Variants in DPYD observed in about 807,000 individuals in gnomAD.
DPYD encodes dihydropyrimidine dehydrogenase [NADP(+)].
A neutral mutation model predicts 116.2 loss-of-function variants in DPYD; 109 were observed. The ratio of observed to expected loss-of-function variants is 0.94; its 90% CI spans 0.80 to 1.10. The LOEUF (loss-of-function observed/expected upper bound fraction) is 1.10. DPYD is among the 50% of genes least tolerant of loss of function. DPYD has a pLI of 0.00. For missense variants in DPYD, 1,302 were observed against 1,254.5 expected (o/e 1.04, Z -0.57); for synonymous variants, 440 against 432.0 (o/e 1.02, Z -0.23).
At chr1:97,618,696 T>C (rs1029229520) in intron 8 of DPYD, among the ~76,000 whole-genome samples, 1 of 152,160 alleles carries the variant, frequency 6.6e-6, no homozygotes. Context: ...AGAATTTGAA[T>C]TTAGGTAGAT....
At chr1:97,461,983 T>C (rs1051272640) in intron 13 of DPYD, among the ~76,000 whole-genome samples, 1 of 152,244 alleles carries the variant, frequency 6.6e-6, no homozygotes, top group African/African-American at 2.4e-5. Flanking sequence ...AAAAACTTCC[T>C]GTCTGTGTCC....
chr1:97,601,861 A>G (rs1655270407), intron 8 of DPYD, among the ~76,000 whole-genome samples: 1 of 152,072 alleles, frequency 6.6e-6, no homozygotes, highest in Admixed American at 6.5e-5. Context: ...TATAACACAT[A>G]TGAAATTAGA....
intron 13 of DPYD, among the ~76,000 whole-genome samples, chr1:97,477,382 C>T (rs1678026029): frequency 6.6e-6 from 1 of 152,300 alleles, no homozygotes; most frequent in East Asian, 1.9e-4. Context: ...TTCTAGTTAT[C>T]TTGCTATTTC....
intron 3 of DPYD, among the ~76,000 whole-genome samples, chr1:97,765,603 T>A (rs575527448): frequency 3.3e-5 from 5 of 152,286 alleles, no homozygotes; most frequent in African/African-American, 1.2e-4. Flanking sequence ...TGGCAAGTCA[T>A]CAGAAAATTG....
At chr1:97,264,530 A>G (rs1041233109) in intron 18 of DPYD, among the ~76,000 whole-genome samples, 53 of 151,964 alleles carry the variant, frequency 3.5e-4, no homozygotes, top group African/African-American at 1.2e-3. Flanking sequence ...GATTTGTCGA[A>G]ACAATACCGT....
chr1:97,854,107 T>C (rs998638135), intron 2 of DPYD, among the ~76,000 whole-genome samples: 9 of 152,180 alleles, frequency 5.9e-5, no homozygotes, highest in East Asian at 1.9e-4. Context: ...AATATATACA[T>C]AAAAAGAAAA....
intron 20 of DPYD, among the ~76,000 whole-genome samples, chr1:97,182,336 C>T (rs1296773178): frequency 3.9e-5 from 6 of 152,256 alleles, no homozygotes; most frequent in African/African-American, 1.4e-4. Context: ...ATTAAGTCTT[C>T]ATAACATTTA....
intron 14 of DPYD, among the ~76,000 whole-genome samples, chr1:97,384,126 A>G (rs998039748): frequency 2.0e-5 from 3 of 152,104 alleles, no homozygotes; most frequent in Admixed American, 2.0e-4. Context: ...TAAAAAAATA[A>G]AGACTAAGAG....
chr1:97,810,449 A>G (rs1668300505), intron 3 of DPYD, among the ~76,000 whole-genome samples: 1 of 152,170 alleles, frequency 6.6e-6, no homozygotes, highest in Admixed American at 6.5e-5. Context: ...GGGAGTGAAT[A>G]TTTAAATTTG....
intron 20 of DPYD, among the ~76,000 whole-genome samples, chr1:97,187,139 T>C (rs1658054224): frequency 6.6e-6 from 1 of 152,182 alleles, no homozygotes; most frequent in Non-Finnish European, 1.5e-5. Context: ...TTCAGTTCTC[T>C]GAGAAATCTC....
chr1:97,330,454 T>C (rs1003623400), intron 16 of DPYD, among the ~76,000 whole-genome samples: 1 of 152,226 alleles, frequency 6.6e-6, no homozygotes, highest in African/African-American at 2.4e-5. Flanking sequence ...TATTTGATGA[T>C]ACTCATTAAT....
intron 4 of DPYD, among the ~76,000 whole-genome samples, chr1:97,726,150 T>G (rs970557686): frequency 2.0e-5 from 3 of 151,550 alleles, no homozygotes; most frequent in Non-Finnish European, 4.4e-5. Flanking sequence ...TTCTTCTGAA[T>G]AGAAATTGCA....
At chr1:97,413,580 C>G (rs1674128594) in intron 14 of DPYD, among the ~76,000 whole-genome samples, 1 of 152,124 alleles carries the variant, frequency 6.6e-6, no homozygotes, top group Non-Finnish European at 1.5e-5. Context: ...CCTCCCACTT[C>G]AGCCTCCCAA....
intron 5 of DPYD, chr1:97,720,718 T>C: frequency 7.0e-7 from 1 of 1,419,538 alleles, no homozygotes; most frequent in East Asian, 2.7e-5. Context: ...AAATCTAGGT[T>C]GACGGGCACT....
At chr1:97,450,359 T>G (rs1335071047) in intron 13 of DPYD, 136 bp from the exon 14 acceptor site, 1 of 849,042 alleles carries the variant, frequency 1.2e-6, no homozygotes, top group African/African-American at 1.7e-5. Flanking sequence ...TAATATACAT[T>G]AAATTAGAAT....
intron 19 of DPYD, among the ~76,000 whole-genome samples, chr1:97,220,486 G>T (rs1042046171): frequency 3.9e-5 from 6 of 152,116 alleles, no homozygotes. Context: ...ACTCTTGTGA[G>T]GGAGCTTCTA....
At chr1:97,694,027 C>G in intron 6 of DPYD, among the ~76,000 whole-genome samples, 1 of 152,124 alleles carries the variant, frequency 6.6e-6, no homozygotes, top group South Asian at 2.1e-4. Flanking sequence ...CAGCCACCAC[C>G]CTTGGCAGTA....
At chr1:97,539,936 G>A (rs1002238941) in intron 12 of DPYD, among the ~76,000 whole-genome samples, 24 of 152,084 alleles carry the variant, frequency 1.6e-4, no homozygotes, top group Admixed American at 1.4e-3. Context: ...GCTAATACTA[G>A]AACAAAGTAA....
chr1:97,573,752 C>A lies in DPYD; in HGVS notation c.1339+8G>T. On this transcript the variant is annotated splice_region_variant and intron_variant, in intron 11 of 22. Coordinates refer to ENST00000370192, the MANE Select transcript of DPYD (RefSeq NM_000110.4). Reference sequence around the variant, plus strand: ...TTGCATCACACATTTCAGCTCCCAGCACTGTACCTTTAGGATCACTCAGAA... The same window carrying A: ...TTGCATCACACATTTCAGCTCCCAGAACTGTACCTTTAGGATCACTCAGAA... 1 of 1,613,402 alleles carries A rather than the reference C, an allele frequency of 6.2e-7. No individual in the cohort carries two copies. Among genetic ancestry groups the A allele is most frequent in the African/African-American group, 1.3e-5 (1 of 75,008 alleles).
Sources: allele counts gnomAD v4.1 joint callset (sites outside exome capture counted in the v4.1 genomes callset), GRCh38; gene constraint gnomAD v4.1.1; transcripts MANE v1.5; gene names NCBI Gene and HGNC (gene_info 2026-07-23, HGNC 2026-07-21).